MRPS35: variants seen among roughly 807,000 people sequenced by gnomAD.
MRPS35 encodes the protein small ribosomal subunit protein mS35.
Under a neutral mutation model 32.7 loss-of-function variants are expected in MRPS35, and 29 were observed. The ratio of observed to expected loss-of-function variants is 0.89; its 90% CI spans 0.66 to 1.21. The LOEUF (loss-of-function observed/expected upper bound fraction) is 1.21, where lower values mean the gene tolerates loss of function less well. Ranked by LOEUF, MRPS35 falls within the 50% of genes most tolerant of loss-of-function variation. The probability of loss-of-function intolerance (pLI) is 0.00; values close to 1 mark genes in which losing one functional copy is unlikely to be tolerated. For synonymous variants in MRPS35, 148 were observed against 139.3 expected (o/e 1.06, Z -0.44); for missense variants, 373 against 383.8 (o/e 0.97, Z 0.23).
intron 4 of MRPS35, among the ~76,000 whole-genome samples, chr12:27,720,162 C>T (rs988376814): frequency 1.1e-4 from 17 of 152,070 alleles, no homozygotes; most frequent in Middle Eastern, 3.4e-3. Context: ...AAGGCCGAGG[C>T]GGGCAGACCA....
chr12:27,726,911 A>C (rs2061902933), intron 5 of MRPS35, among the ~76,000 whole-genome samples: 1 of 149,670 alleles, frequency 6.7e-6, no homozygotes, highest in Admixed American at 6.6e-5. Flanking sequence ...TGATTTGTAA[A>C]CATTTTCTTC....
At chr12:27,715,869 C>A (rs1187648447) in intron 2 of MRPS35, among the ~76,000 whole-genome samples, 1 of 152,150 alleles carries the variant, frequency 6.6e-6, no homozygotes, top group Non-Finnish European at 1.5e-5. Flanking sequence ...ATCAGTTTAA[C>A]CCTAATTATT....
chr12:27,719,694 G>C, intron 3 of MRPS35, 114 bp from the exon 4 acceptor site: 1 of 627,248 alleles, frequency 1.6e-6, no homozygotes, highest in Non-Finnish European at 2.7e-6. Flanking sequence ...AAAACAAACA[G>C]ATTTTATTTA....
chr12:27,754,255 G>A (rs1389933884), intron 7 of MRPS35, among the ~76,000 whole-genome samples: 1 of 151,604 alleles, frequency 6.6e-6, no homozygotes, highest in Non-Finnish European at 1.5e-5. Context: ...CTCTGTCTTG[G>A]CGGGGGAAAA....
chr12:27,711,042 C>A, intron 1 of MRPS35, 87 bp downstream of exon 1: 1 of 1,251,520 alleles, frequency 8.0e-7, no homozygotes, highest in Non-Finnish European at 1.1e-6. Flanking sequence ...GGTGGCTGAG[C>A]CAGCGCCGCC....
At chr12:27,740,498 G>A (rs1314217203) in intron 7 of MRPS35, among the ~76,000 whole-genome samples, 1 of 152,036 alleles carries the variant, frequency 6.6e-6, no homozygotes, top group East Asian at 1.9e-4. Flanking sequence ...TTGAACTCCT[G>A]GGCTCAGGCA....
At chr12:27,751,415 G>A (rs1197670297) in intron 7 of MRPS35, among the ~76,000 whole-genome samples, 4 of 152,176 alleles carry the variant, frequency 2.6e-5, no homozygotes, top group Non-Finnish European at 5.9e-5. Flanking sequence ...ACACCTGGGG[G>A]GCTGTAGGCA....
At chr12:27,726,071 A>G (rs1013711559) in intron 5 of MRPS35, among the ~76,000 whole-genome samples, 3 of 151,232 alleles carry the variant, frequency 2.0e-5, no homozygotes, top group African/African-American at 4.9e-5. Flanking sequence ...TGGGCTCCCA[A>G]AGTGCTGGGA....
intron 5 of MRPS35, among the ~76,000 whole-genome samples, chr12:27,733,892 A>G (rs1436947895): frequency 6.6e-6 from 1 of 152,264 alleles, no homozygotes; most frequent in Non-Finnish European, 1.5e-5. Context: ...TTAAAAAACA[A>G]TATATCCTCC....
At chr12:27,728,801 T>C (rs1297137856) in intron 5 of MRPS35, among the ~76,000 whole-genome samples, 1 of 152,158 alleles carries the variant, frequency 6.6e-6, no homozygotes, top group African/African-American at 2.4e-5. Flanking sequence ...CCATTGCATC[T>C]GGATGTCATT....
chr12:27,731,296 G>A (rs1396701944), intron 5 of MRPS35, among the ~76,000 whole-genome samples: 1 of 152,110 alleles, frequency 6.6e-6, no homozygotes, highest in Admixed American at 6.5e-5. Flanking sequence ...TGTCTGGAGG[G>A]TGACTACTAC....
Position 27,731,218 on chromosome 12 carries a change from G to T in MRPS35, c.523-4229G>T, listed in dbSNP as rs73086218. Among the ~76,000 whole-genome samples the T allele has an allele frequency of 5.9e-3, 897 of 152,184 alleles. 7 individuals carry two copies. The highest frequency in any genetic ancestry group is 0.014 in the Middle Eastern group (4 of 294). On this transcript the variant is annotated intron_variant, in intron 5 of 7. Coordinates refer to ENST00000081029, the MANE Select transcript of MRPS35 (RefSeq NM_021821.4). ...TTTCTGGCACTACAAAATGCTCTGG[G>T]CTCTTTCCCTGTCCCATTCCTAGAA...
At chr12:27,741,100 G>A (rs1453114180) in intron 7 of MRPS35, among the ~76,000 whole-genome samples, 11 of 152,058 alleles carry the variant, frequency 7.2e-5, no homozygotes, top group African/African-American at 1.2e-4. Flanking sequence ...CCCGGGAGTC[G>A]GAGGTTGCAG....
chr12:27,731,241 G>T (rs998001995), intron 5 of MRPS35, among the ~76,000 whole-genome samples: 4 of 152,056 alleles, frequency 2.6e-5, no homozygotes, highest in Non-Finnish European at 4.4e-5. Context: ...CCCATTCCTA[G>T]AATCAGCATT....
intron 4 of MRPS35, among the ~76,000 whole-genome samples, chr12:27,721,671 AT>A (rs1422087881): frequency 3.3e-5 from 5 of 152,204 alleles, no homozygotes; most frequent in African/African-American, 9.6e-5. Context: ...ATAAAAAAAA[AT>A]AAAATAAAAT....
chr12:27,710,973 C>T lies in MRPS35; in HGVS notation c.112+18C>T, dbSNP rs776746598. On this transcript the variant is annotated intron_variant, in intron 1 of 7. Transcript: ENST00000081029. ...TAGCCTGCGTGAGTGTCTGTCTCGT[C>T]TTCTCTGGGCTTTGGGGGAGGTGCA... The T allele has an allele frequency of 6.2e-6, 10 of 1,603,720 alleles. No individual in the cohort carries two copies. Among genetic ancestry groups the T allele is most frequent in the Admixed American group, 1.7e-5 (1 of 59,566 alleles).
chr12:27,736,337 A>G (rs2061942984), intron 6 of MRPS35, among the ~76,000 whole-genome samples: 2 of 152,310 alleles, frequency 1.3e-5, no homozygotes, highest in Non-Finnish European at 2.9e-5. Flanking sequence ...GCTCAGGACC[A>G]TGGTTTGTGA....
chr12:27,740,878 A>G (rs2061962025), intron 7 of MRPS35, among the ~76,000 whole-genome samples: 1 of 152,136 alleles, frequency 6.6e-6, no homozygotes, highest in South Asian at 2.1e-4. Context: ...TGGACCATTC[A>G]TTTATCCTTC....
In MRPS35 at chr12:27,710,891, A is replaced by C. The variant is rs748964594; in HGVS notation, c.48A>C (p.Ala16=). The change falls in exon 1 of 8, where the codon GCA becomes GCC. Residue 16 remains alanine, a synonymous_variant. Transcript: ENST00000081029. Reference sequence around the variant, plus strand: ...CATGGCTGTCTCTGCAGTCGAGGGCAAGGACTCTGCGTGCATTCTCCACTG... The same window carrying C: ...CATGGCTGTCTCTGCAGTCGAGGGCCAGGACTCTGCGTGCATTCTCCACTG... ...LPAWLSLQSR[A]RTLRAFSTAV... is the part of the protein sequence containing the mutation. 2.5e-6 allele frequency: 4 copies of C among 1,612,686 alleles called. No individual in the cohort carries two copies. The East Asian group carries it at 6.7e-5, about 27-fold the overall frequency.
Sources: gnomAD v4.1 joint callset for allele counts (sites outside exome capture counted in the v4.1 genomes callset) on GRCh38, gnomAD v4.1.1 for gene constraint, MANE v1.5 for transcripts, NCBI Gene and HGNC (gene_info 2026-07-23, HGNC 2026-07-21) for gene names.